SMG1: variants seen among roughly 807,000 people sequenced by gnomAD.
SMG1 encodes SMG1 nonsense mediated mRNA decay associated PI3K related kinase, also known as serine/threonine-protein kinase SMG1.
In SMG1, 22 loss-of-function variants were observed where a neutral mutation model predicts 419.9. That is an observed-to-expected ratio of 0.05 (90% CI 0.04 to 0.07). The LOEUF (loss-of-function observed/expected upper bound fraction) is 0.07, where lower values mean the gene tolerates loss of function less well. Among genes scored for constraint, SMG1 ranks in the 10% least tolerant of loss-of-function variants. The probability of loss-of-function intolerance (pLI) is 1.00; values close to 1 mark genes in which losing one functional copy is unlikely to be tolerated. For missense variants in SMG1, 3,185 were observed against 4,342.0 expected (o/e 0.73, Z 7.49); for synonymous variants, 1,538 against 1,553.5 (o/e 0.99, Z 0.23).
At chr16:18,918,740 G>A (rs2038074481) in intron 1 of SMG1, among the ~76,000 whole-genome samples, 1 of 152,048 alleles carries the variant, frequency 6.6e-6, no homozygotes, top group South Asian at 2.1e-4. Context: ...GTAGAGACGG[G>A]GTTTCACCAT....
chr16:18,837,216 T>C (rs755008251), intron 46 of SMG1, 37 bp downstream of exon 46: 1 of 1,496,644 alleles, frequency 6.7e-7, no homozygotes, highest in Non-Finnish European at 9.1e-7. Context: ...TTCTAATTAA[T>C]GGCACATATT....
chr16:18,902,159 C>A (rs138856648), intron 1 of SMG1, among the ~76,000 whole-genome samples: 1,955 of 152,226 alleles, frequency 0.013, 53 homozygotes, highest in African/African-American at 0.045. Flanking sequence ...ACAGAGTGAG[C>A]TTCCCTGGTA....
In SMG1 at chr16:18,816,545, ATTTG is replaced by A; in HGVS notation, c.10075-20_10075-17del. On this transcript the variant is annotated splice_polypyrimidine_tract_variant and intron_variant, in intron 57 of 62. Transcript: ENST00000446231. The stretch of plus-strand genomic sequence containing the variant: ...GACCAGTGTCCTAAATAGAACAAGC[ATTTG>A]TTTGACTTCGAGTATCAGCTGAAAT... The A allele has an allele frequency of 6.2e-7, 1 of 1,605,018 alleles. No individual in the cohort carries two copies. Among genetic ancestry groups the A allele is most frequent in the Non-Finnish European group, 8.5e-7 (1 of 1,174,120 alleles).
chr16:18,908,689 C>G (rs1201298550), intron 1 of SMG1, among the ~76,000 whole-genome samples: 1 of 151,334 alleles, frequency 6.6e-6, no homozygotes, highest in African/African-American at 2.4e-5. Context: ...ACCATCCTGG[C>G]TAACACAGTG....
rs749754918 is a variant in SMG1, at chr16:18,830,346, T to C, written c.8816A>G (p.Glu2939Gly). Residue 2939 changes from glutamate to glycine, a missense_variant, in exon 52 of 63, where the codon GAA becomes GGA. Glu to Gly is a moderately conservative substitution (Grantham distance 98). Coordinates refer to ENST00000446231, the MANE Select transcript of SMG1 (RefSeq NM_015092.5). ...VARLLHAQYG[E>G]LIQPRNGSVD... ...TGAACCATTTCTCGGTTGGATTAATTCACCGTACTGAGCATGTAGTAGTCT... is the reference window on the plus strand; with the variant it reads ...TGAACCATTTCTCGGTTGGATTAATCCACCGTACTGAGCATGTAGTAGTCT... 7 of 1,614,004 alleles carry C rather than the reference T, an allele frequency of 4.3e-6. No homozygotes were observed. Among genetic ancestry groups the C allele is most frequent in the Non-Finnish European group, 5.9e-6 (7 of 1,179,886 alleles).
chr16:18,835,929 T>G lies in SMG1; in HGVS notation c.8057+4A>C. 1 of 1,551,112 alleles carries G rather than the reference T, an allele frequency of 6.4e-7. No homozygotes were observed. The highest frequency in any genetic ancestry group is 8.7e-7 in the Non-Finnish European group (1 of 1,146,250). ...TAAAAGAAAATTAAGCACTATCAAC[T>G]TACTTCCTATAGAGCTCTTGACAAC... On this transcript the variant is annotated splice_donor_region_variant and intron_variant, in intron 48 of 62. Transcript: ENST00000446231.
Position 18,856,141 on chromosome 16 carries a change from A to G in SMG1, c.4235-1237T>C, listed in dbSNP as rs189838216. On this transcript the variant is annotated intron_variant, in intron 29 of 62. Transcript: ENST00000446231. ...GTCTTTTTCTGATTCCTAGGATTAA[A>G]TCAGGTGCCCTCGTTATTTGCTGTT... 1.9e-3 allele frequency among the ~76,000 whole-genome samples: 291 copies of G among 151,988 alleles called. 2 individuals carry two copies. Among genetic ancestry groups the G allele is most frequent in the Non-Finnish European group, 9.1e-4 (62 of 67,990 alleles).
rs1396287124 is a variant in SMG1 at position 18,926,035 on chromosome 16, G to A, written c.7C>T (p.Arg3Cys). 5.7e-6 allele frequency: 9 copies of A among 1,571,628 alleles called. No individual in the cohort carries two copies. The highest frequency in any genetic ancestry group is 7.7e-6 in the Non-Finnish European group (9 of 1,167,484). Reference sequence around the variant, plus strand: ...CTCAGCCGAGACCCCGGGGCTCTGCGGCTCATTACCTTCCCCGACACGACA... The same window carrying A: ...CTCAGCCGAGACCCCGGGGCTCTGCAGCTCATTACCTTCCCCGACACGACA... MS[R>C]RAPGSRLSSG... The change falls in exon 1 of 63, where the codon CGC becomes TGC. Residue 3 changes from arginine to cysteine, a missense_variant. Around this residue, in one of 27 missense-constraint regions of SMG1, gnomAD observed 88 missense variants for 85.9 expected, o/e 1.02. Coordinates refer to ENST00000446231, the MANE Select transcript of SMG1 (RefSeq NM_015092.5).
intron 18 of SMG1, among the ~76,000 whole-genome samples, chr16:18,870,225 T>A (rs988806478): frequency 6.6e-6 from 1 of 152,184 alleles, no homozygotes; most frequent in African/African-American, 2.4e-5. Context: ...ATCAAACATG[T>A]GAAAATAAAA....
intron 49 of SMG1, among the ~76,000 whole-genome samples, chr16:18,834,656 T>C (rs1389920002): frequency 2.6e-5 from 4 of 152,218 alleles, no homozygotes; most frequent in Non-Finnish European, 5.9e-5. Context: ...CACACACCTG[T>C]AGTCCCAGCT....
chr16:18,851,968 T>C (rs1398921856), intron 33 of SMG1, 99 bp downstream of exon 33: 2 of 1,236,630 alleles, frequency 1.6e-6, no homozygotes, highest in Non-Finnish European at 2.2e-6. Flanking sequence ...CAACAATTGG[T>C]AAGCCCCATT....
intron 51 of SMG1, 46 bp from the exon 52 acceptor site, chr16:18,830,415 C>G: frequency 1.3e-6 from 2 of 1,596,902 alleles, no homozygotes; most frequent in Non-Finnish European, 1.7e-6. Flanking sequence ...AAAAGTAATG[C>G]CTTTGGTGGG....
At chr16:18,842,048 C>A (rs1850048700) in intron 40 of SMG1, among the ~76,000 whole-genome samples, 160 bp downstream of exon 40, 1 of 152,206 alleles carries the variant, frequency 6.6e-6, no homozygotes, top group Admixed American at 6.5e-5. Flanking sequence ...GGCATCCAAT[C>A]ACTGCCGTTC....
intron 60 of SMG1, among the ~76,000 whole-genome samples, chr16:18,812,712 G>A (rs1257012610): frequency 6.6e-6 from 1 of 151,720 alleles, no homozygotes; most frequent in African/African-American, 2.4e-5. Context: ...GGGTACATGT[G>A]CACAACATGC....
Position 18,863,202 on chromosome 16 carries a change from T to C in SMG1, c.3695+448A>G, listed in dbSNP as rs1436442978. On this transcript the variant is annotated intron_variant, in intron 25 of 62. Coordinates refer to ENST00000446231, the MANE Select transcript of SMG1 (RefSeq NM_015092.5). ...CAAGTGTCTGCAGCAGAGTGAGTGC[T>C]CAGTTTTGAATTACAGAATAAAAGC... Among the ~76,000 whole-genome samples the C allele has an allele frequency of 3.3e-5, 5 of 152,222 alleles. No individual in the cohort carries two copies. The East Asian group carries it at 9.6e-4, about 29-fold the overall frequency.
chr16:18,845,661 A>T lies in SMG1; in HGVS notation c.5997-10T>A. Reference sequence around the variant, plus strand: ...TGCAATTTTCTCTTCTCTGACCAAGAAGACATTTTTATTCAAAAACTTAAA... The same window carrying T: ...TGCAATTTTCTCTTCTCTGACCAAGTAGACATTTTTATTCAAAAACTTAAA... On this transcript the variant is annotated splice_polypyrimidine_tract_variant and intron_variant, in intron 38 of 62. Transcript: ENST00000446231. The T allele has an allele frequency of 6.3e-7, 1 of 1,596,234 alleles. No homozygotes were observed. Among genetic ancestry groups the T allele is most frequent in the Non-Finnish European group, 8.5e-7 (1 of 1,172,000 alleles).
intron 35 of SMG1, 73 bp from the exon 36 acceptor site, chr16:18,849,451 CA>C: frequency 1.4e-6 from 2 of 1,410,632 alleles, no homozygotes; most frequent in Non-Finnish European, 2.0e-6. Flanking sequence ...CATCGTAGAT[CA>C]AACAGATAAA....
At chr16:18,911,323 G>A (rs1264559388) in intron 1 of SMG1, 2 of 143,698 alleles carry the variant, frequency 1.4e-5, no homozygotes. Flanking sequence ...CCAACAAGGT[G>A]AAACCCTGTC....
At chr16:18,890,342 A>C (rs2036820683) in intron 5 of SMG1, among the ~76,000 whole-genome samples, 1 of 152,260 alleles carries the variant, frequency 6.6e-6, no homozygotes, top group Non-Finnish European at 1.5e-5. Context: ...AAATTAAAAA[A>C]AATAAAATAT....
Sources: allele counts gnomAD v4.1 joint callset (sites outside exome capture counted in the v4.1 genomes callset), GRCh38; gene constraint gnomAD v4.1.1; regional missense constraint gnomAD v4.1.1; transcripts MANE v1.5; gene names NCBI Gene and HGNC (gene_info 2026-07-23, HGNC 2026-07-21).